SHROOM3: variants seen among roughly 807,000 people sequenced by gnomAD.
SHROOM3 encodes shroom family member 3.
Under a neutral mutation model 138.6 loss-of-function variants are expected in SHROOM3, and 47 were observed. That is an observed-to-expected ratio of 0.34 (90% confidence interval 0.27 to 0.43). The LOEUF (loss-of-function observed/expected upper bound fraction) is 0.43, where lower values mean the gene tolerates loss of function less well. Among genes scored for constraint, SHROOM3 ranks in the 20% least tolerant of loss-of-function variants. SHROOM3 has a pLI of 1.00. For synonymous variants in SHROOM3, 1,062 were observed against 1,063.3 expected, an observed-to-expected ratio of 1.00 and a Z score of 0.02; for missense variants, 2,491 against 2,596.5, an observed-to-expected ratio of 0.96 and a Z score of 0.88.
At chr4:76,522,995 C>T (rs1732598030) in intron 1 of SHROOM3, among the ~76,000 whole-genome samples, 1 of 152,166 alleles carries the variant, frequency 6.6e-6, no homozygotes, top group African/African-American at 2.4e-5. Context: ...AACACATTCT[C>T]ACAAACCAGG....
intron 2 of SHROOM3, among the ~76,000 whole-genome samples, chr4:76,590,275 C>A (rs1438901919): frequency 6.6e-6 from 1 of 152,170 alleles, no homozygotes; most frequent in African/African-American, 2.4e-5. Context: ...CCTAGAAAGA[C>A]CTGATCATTT....
chr4:76,543,538 C>T (rs1464807375), intron 1 of SHROOM3, among the ~76,000 whole-genome samples: 2 of 152,200 alleles, frequency 1.3e-5, no homozygotes, highest in African/African-American at 4.8e-5. Flanking sequence ...CCCCAAATCT[C>T]GTGGCTTAAA....
At chr4:76,743,301 C>G (rs1429975788) in intron 5 of SHROOM3, among the ~76,000 whole-genome samples, 1 of 152,230 alleles carries the variant, frequency 6.6e-6, no homozygotes, top group African/African-American at 2.4e-5. Flanking sequence ...GCTACTTGCT[C>G]TTACCAGTCA....
At chr4:76,574,417 A>T (rs1298086636) in intron 2 of SHROOM3, among the ~76,000 whole-genome samples, 1 of 152,150 alleles carries the variant, frequency 6.6e-6, no homozygotes, top group Non-Finnish European at 1.5e-5. Context: ...TGAGCCTAGC[A>T]ATCTGATTTA....
At chr4:76,667,706 C>G (rs1184968233) in intron 2 of SHROOM3, among the ~76,000 whole-genome samples, 1 of 151,690 alleles carries the variant, frequency 6.6e-6, no homozygotes, top group Non-Finnish European at 1.5e-5. Context: ...CGGTGGCTCA[C>G]GCCTGTAATC....
intron 2 of SHROOM3, among the ~76,000 whole-genome samples, chr4:76,668,214 G>A (rs760439400): frequency 1.3e-4 from 20 of 151,868 alleles, no homozygotes; most frequent in Non-Finnish European, 2.8e-4. Context: ...TGAGAACAAC[G>A]ATCATATTAG....
At chr4:76,675,894 T>C (rs1190209994) in intron 2 of SHROOM3, among the ~76,000 whole-genome samples, 2 of 152,028 alleles carry the variant, frequency 1.3e-5, no homozygotes, top group South Asian at 2.1e-4. Context: ...AGAGGATAGA[T>C]AGATAGGTAG....
At chr4:76,556,817 G>A (rs1355238190) in intron 2 of SHROOM3, among the ~76,000 whole-genome samples, 1 of 152,184 alleles carries the variant, frequency 6.6e-6, no homozygotes, top group Non-Finnish European at 1.5e-5. Flanking sequence ...TGTTTCCTAA[G>A]TGAGCCCATG....
chr4:76,749,010 T>C lies in SHROOM3; in HGVS notation c.3754-7T>C. On this transcript the variant is annotated splice_polypyrimidine_tract_variant and splice_region_variant and intron_variant, in intron 5 of 10. Coordinates refer to ENST00000296043, the MANE Select transcript of SHROOM3 (RefSeq NM_020859.4). ...GCAGTAATGCTGTGCCTTTCTTGTG[T>C]TTCAAGGATGTGCTTTTGGGGCAAG... The C allele has an allele frequency of 6.2e-7, 1 of 1,613,866 alleles. No homozygotes were observed. Among genetic ancestry groups the C allele is most frequent in the Non-Finnish European group, 8.5e-7 (1 of 1,179,848 alleles).
In SHROOM3 at chr4:76,740,484, G is replaced by A; in HGVS notation, c.2311G>A (p.Gly771Ser). The A allele has an allele frequency of 6.2e-7, 1 of 1,612,814 alleles. No individual in the cohort carries two copies. The highest frequency in any genetic ancestry group is 8.5e-7 in the Non-Finnish European group (1 of 1,179,272). The change falls in exon 5 of 11, where the codon GGC (glycine) becomes AGC (serine). Residue 771 changes from glycine (G) to serine (S), a missense_variant. Coordinates refer to ENST00000296043, the MANE Select transcript of SHROOM3 (RefSeq NM_020859.4). The surrounding 1 kb of genome is among the most constrained non-coding windows in gnomAD (Gnocchi z 4.0). ...CCCAGGCAGCGCCTCGGCTCTTCAGGGCTTTCAGTACGGGAAGCCCCACTG... is the reference window on the plus strand; with the variant it reads ...CCCAGGCAGCGCCTCGGCTCTTCAGAGCTTTCAGTACGGGAAGCCCCACTG... ...PGPGSASALQ[G>S]FQYGKPHCSV...
At chr4:76,506,842 T>C (rs762924462) in intron 1 of SHROOM3, among the ~76,000 whole-genome samples, 4 of 152,204 alleles carry the variant, frequency 2.6e-5, no homozygotes, top group Non-Finnish European at 4.4e-5. Context: ...ATTGACTTTC[T>C]ATTATGGAAG....
At chr4:76,598,317 C>T (rs188011786) in intron 2 of SHROOM3, among the ~76,000 whole-genome samples, 12 of 152,298 alleles carry the variant, frequency 7.9e-5, no homozygotes, top group African/African-American at 2.4e-4. Context: ...TGAGCCACCA[C>T]ACCTGGCCAA....
chr4:76,596,214 A>G (rs1734380578), intron 2 of SHROOM3, among the ~76,000 whole-genome samples: 1 of 152,162 alleles, frequency 6.6e-6, no homozygotes, highest in African/African-American at 2.4e-5. Flanking sequence ...AGTAGGGGAA[A>G]TGTTTGATAT....
intron 2 of SHROOM3, among the ~76,000 whole-genome samples, chr4:76,629,620 T>C (rs1049052671): frequency 2.0e-5 from 3 of 152,140 alleles, no homozygotes; most frequent in Admixed American, 6.6e-5. Flanking sequence ...ACCTGGATCA[T>C]AGCGAGGGAG....
At chr4:76,450,256 T>G (rs114773059) in intron 1 of SHROOM3, among the ~76,000 whole-genome samples, 10 of 152,326 alleles carry the variant, frequency 6.6e-5, no homozygotes, top group Admixed American at 2.6e-4. Context: ...TTCAGAGAGA[T>G]TAAAAGTATA....
intron 1 of SHROOM3, among the ~76,000 whole-genome samples, chr4:76,455,553 A>C (rs1304930702): frequency 6.6e-6 from 1 of 152,046 alleles, no homozygotes; most frequent in Non-Finnish European, 1.5e-5. Context: ...TATAAAAAGA[A>C]CTCTTATATA....
rs777929615 is a variant in SHROOM3 at position 76,738,762 on chromosome 4, T to C, written c.589T>C (p.Ser197Pro). 13 of 1,614,174 alleles carry C rather than the reference T, an allele frequency of 8.1e-6. No homozygotes were observed. In the Admixed American group the frequency reaches 2.2e-4, roughly 27 times the overall value. Residue 197 changes from serine (S) to proline (P), a missense_variant and splice_region_variant, in exon 5 of 11, where the codon TCC (serine) becomes CCC (proline). By Grantham distance (74) the Ser-to-Pro change is moderately conservative. Transcript: ENST00000296043. The stretch of plus-strand genomic sequence containing the variant: ...CTGACTGCTTTGTCTTTCTTCCAGC[T>C]CCTCTACTAGTGACCTCTCCAACTA... ...PPWHQSYHSS[S>P]STSDLSNYDH...
In SHROOM3 at chr4:76,622,918, A is replaced by C. The variant is rs115387926; in HGVS notation, c.323+67155A>C. 5.1e-3 allele frequency among the ~76,000 whole-genome samples: 781 copies of C among 152,310 alleles called. 7 individuals are homozygous for C. Among genetic ancestry groups the C allele is most frequent in the African/African-American group, 0.018 (734 of 41,560 alleles). On this transcript the variant is annotated intron_variant, in intron 2 of 10. Transcript: ENST00000296043. ...TTATCTCTTTAATGAAAATGACTGC[A>C]GACAGCTTCCTTCCAACTTTTGAGT... is the stretch of plus-strand genomic sequence containing the variant.
intron 2 of SHROOM3, among the ~76,000 whole-genome samples, chr4:76,692,674 C>G (rs368371391): frequency 2.0e-4 from 30 of 152,282 alleles, no homozygotes; most frequent in African/African-American, 7.0e-4. Flanking sequence ...GAATACGACT[C>G]AGCGATCAAT....
Sources: allele counts gnomAD v4.1 joint callset (sites outside exome capture counted in the v4.1 genomes callset), GRCh38; gene constraint gnomAD v4.1.1; non-coding constraint Gnocchi (gnomAD v3.1); transcripts MANE v1.5; gene names NCBI Gene and HGNC (gene_info 2026-07-23, HGNC 2026-07-21).